Variants in CSGALNACT1 observed in about 807,000 individuals in gnomAD.
The protein encoded by CSGALNACT1 is chondroitin sulfate N-acetylgalactosaminyltransferase 1.
A neutral mutation model predicts 51.0 loss-of-function variants in CSGALNACT1; 52 were observed. That is an observed-to-expected ratio of 1.02 (90% CI 0.82 to 1.29). The LOEUF is 1.29. Among genes scored for constraint, CSGALNACT1 ranks in the 50% most tolerant of loss-of-function variants. The probability of loss-of-function intolerance (pLI) is 0.00; values close to 1 mark genes in which losing one functional copy is unlikely to be tolerated. For missense variants in CSGALNACT1, 935 were observed against 679.2 expected, an observed-to-expected ratio of 1.38 and a Z score of -4.19; for synonymous variants, 341 against 254.4, an observed-to-expected ratio of 1.34 and a Z score of -3.24.
chr8:19,646,911 TAAC>T lies in CSGALNACT1; in HGVS notation c.-544+35559_-544+35561del, dbSNP rs1454846674. Among the ~76,000 whole-genome samples the T allele has an allele frequency of 3.3e-5, 5 of 152,004 alleles. No individual in the cohort carries two copies. The East Asian group carries it at 9.7e-4, about 29-fold the overall frequency. On this transcript the variant is annotated intron_variant, in intron 1 of 9. Transcript: ENST00000332246. Reference sequence around the variant, plus strand: ...ATCTTGCCAAGTTGCTAAGGAGAAATAACAACAATCCTGAATAAATAGTTTTGG... The same window carrying T: ...ATCTTGCCAAGTTGCTAAGGAGAAATAACAATCCTGAATAAATAGTTTTGG...
chr8:19,717,712 G>C (rs78871040), intron 1 of CSGALNACT1, among the ~76,000 whole-genome samples: 9,685 of 152,212 alleles, frequency 0.064, 327 homozygotes, highest in South Asian at 0.11. Flanking sequence ...ACCCCAGCTT[G>C]GTTGTCCAGT....
intron 3 of CSGALNACT1, among the ~76,000 whole-genome samples, chr8:19,538,807 G>C (rs10105363): frequency 0.14 from 21,349 of 151,894 alleles, 1,961 homozygotes; most frequent in African/African-American, 0.27. Context: ...TCCTGGTTCC[G>C]TTGCTTCCTA....
chr8:19,482,609 G>A (rs1031348843), intron 4 of CSGALNACT1, among the ~76,000 whole-genome samples: 3 of 152,048 alleles, frequency 2.0e-5, no homozygotes, highest in East Asian at 1.9e-4. Flanking sequence ...CTGACTTTCT[G>A]CCTCCCTCTT....
At chr8:19,546,011 GAA>G (rs2086386633) in intron 3 of CSGALNACT1, among the ~76,000 whole-genome samples, 1 of 151,822 alleles carries the variant, frequency 6.6e-6, no homozygotes, top group African/African-American at 2.4e-5. Context: ...GATAGCCCAA[GAA>G]AATTTAGGTC....
chr8:19,548,225 T>C (rs116465064), intron 3 of CSGALNACT1, among the ~76,000 whole-genome samples: 3,741 of 152,352 alleles, frequency 0.025, 129 homozygotes, highest in African/African-American at 0.078. Flanking sequence ...ATCTGAATTC[T>C]AATGATTCTG....
At chr8:19,537,922 A>G (rs955282958) in intron 3 of CSGALNACT1, among the ~76,000 whole-genome samples, 3 of 152,236 alleles carry the variant, frequency 2.0e-5, no homozygotes, top group Non-Finnish European at 4.4e-5. Flanking sequence ...TTTGCTCTGC[A>G]AAATTCTTTG....
intron 6 of CSGALNACT1, among the ~76,000 whole-genome samples, chr8:19,435,608 A>G (rs558805775): frequency 3.9e-5 from 6 of 152,214 alleles, no homozygotes; most frequent in African/African-American, 1.4e-4. Flanking sequence ...TAGTTCAGTG[A>G]TGGTTCCCAG....
At chr8:19,500,591 G>A (rs1176278578) in intron 4 of CSGALNACT1, among the ~76,000 whole-genome samples, 2 of 152,174 alleles carry the variant, frequency 1.3e-5, no homozygotes, top group South Asian at 2.1e-4. Flanking sequence ...TAGCAAAGTG[G>A]TCACAGAGCA....
chr8:19,436,601 G>C (rs1377819007), intron 6 of CSGALNACT1, among the ~76,000 whole-genome samples: 1 of 152,078 alleles, frequency 6.6e-6, no homozygotes, highest in Non-Finnish European at 1.5e-5. Flanking sequence ...TCATGTATAA[G>C]CTCATATATA....
intron 6 of CSGALNACT1, among the ~76,000 whole-genome samples, chr8:19,432,549 T>C (rs1256029113): frequency 6.6e-6 from 1 of 152,204 alleles, no homozygotes; most frequent in East Asian, 1.9e-4. Flanking sequence ...TTGACTCCCA[T>C]TATTCATATG....
chr8:19,430,133 A>C (rs1159323474), intron 6 of CSGALNACT1, among the ~76,000 whole-genome samples: 3 of 152,300 alleles, frequency 2.0e-5, no homozygotes, highest in African/African-American at 7.2e-5. Flanking sequence ...TATGATTTGC[A>C]AATATTTTAT....
At chr8:19,452,960 CACA>C (rs1164264726) in intron 5 of CSGALNACT1, among the ~76,000 whole-genome samples, 1 of 152,120 alleles carries the variant, frequency 6.6e-6, no homozygotes, top group Admixed American at 6.5e-5. Flanking sequence ...TCAAAATATG[CACA>C]ACAATTCTCA....
rs566953242 is a variant in CSGALNACT1 at position 19,557,096 on chromosome 8, C to G, written c.-297+34064G>C. Among the ~76,000 whole-genome samples, 331 of 152,190 alleles carry G rather than the reference C, an allele frequency of 2.2e-3. 3 individuals are homozygous for G. Among genetic ancestry groups the G allele is most frequent in the African/African-American group, 7.7e-3 (321 of 41,528 alleles). ...CTTTATTCAGGTGAAAAGGGATTGG[C>G]ATCACTGTTGAGGTGCCTGGAATTT... is the stretch of plus-strand genomic sequence containing the variant. On this transcript the variant is annotated intron_variant, in intron 3 of 9. Transcript: ENST00000454498.
At chr8:19,733,514 G>C (rs1344477907) in intron 1 of CSGALNACT1, among the ~76,000 whole-genome samples, 1 of 152,016 alleles carries the variant, frequency 6.6e-6, no homozygotes, top group Non-Finnish European at 1.5e-5. Flanking sequence ...GCCAGCAGCT[G>C]TGTGACATAT....
intron 2 of CSGALNACT1, among the ~76,000 whole-genome samples, chr8:19,593,404 G>T (rs1315108232): frequency 6.6e-6 from 1 of 152,116 alleles, no homozygotes; most frequent in East Asian, 1.9e-4. Context: ...GGTCCTCCTG[G>T]GGCACCACAA....
chr8:19,704,399 G>A (rs1357211690), intron 1 of CSGALNACT1, among the ~76,000 whole-genome samples: 2 of 152,206 alleles, frequency 1.3e-5, no homozygotes, highest in East Asian at 3.8e-4. Flanking sequence ...ACCTTAAGAT[G>A]GCTGTGATGA....
At chr8:19,452,473 A>C (rs967293163) in intron 5 of CSGALNACT1, among the ~76,000 whole-genome samples, 1 of 151,984 alleles carries the variant, frequency 6.6e-6, no homozygotes, top group Non-Finnish European at 1.5e-5. Context: ...GAAAAAAGCT[A>C]ATCACATTTA....
chr8:19,485,902 G>A (rs779223261), intron 4 of CSGALNACT1, among the ~76,000 whole-genome samples: 45 of 150,128 alleles, frequency 3.0e-4, no homozygotes, highest in Non-Finnish European at 5.9e-4. Flanking sequence ...AAGTAGCTGG[G>A]ATCACAGGCA....
At chr8:19,687,528 A>G (rs954886056), upstream of CSGALNACT1, among the ~76,000 whole-genome samples, 4 of 152,238 alleles carry the variant, frequency 2.6e-5, no homozygotes, top group Non-Finnish European at 5.9e-5. Context: ...TTTCACATAG[A>G]AGTTAATTAG....
Sources: gnomAD v4.1 joint callset for allele counts (sites outside exome capture counted in the v4.1 genomes callset) on GRCh38, gnomAD v4.1.1 for gene constraint, MANE v1.5 for transcripts, NCBI Gene and HGNC (gene_info 2026-07-23, HGNC 2026-07-21) for gene names.